Variants in SRBD1 observed in about 807,000 individuals in gnomAD.
SRBD1 encodes the protein S1 RNA-binding domain-containing protein 1.
A neutral mutation model predicts 115.3 loss-of-function variants in SRBD1; 88 were observed. That is an observed-to-expected ratio of 0.76 (90% CI 0.64 to 0.91). The LOEUF (loss-of-function observed/expected upper bound fraction) is 0.91, where lower values mean the gene tolerates loss of function less well. Among genes scored for constraint, SRBD1 ranks in the 40% least tolerant of loss-of-function variants. SRBD1 has a pLI of 0.00. For synonymous variants in SRBD1, 509 were observed against 407.7 expected (o/e 1.25, Z -2.99); for missense variants, 1,385 against 1,177.4 (o/e 1.18, Z -2.58).
intron 14 of SRBD1, among the ~76,000 whole-genome samples, chr2:45,502,845 G>T (rs74905528): frequency 6.6e-6 from 1 of 151,350 alleles, no homozygotes; most frequent in South Asian, 2.1e-4. Flanking sequence ...AAAAAAAAAA[G>T]ATATCACTCT....
chr2:45,425,025 C>T (rs995061001), intron 16 of SRBD1, among the ~76,000 whole-genome samples: 4 of 152,166 alleles, frequency 2.6e-5, no homozygotes, highest in African/African-American at 9.7e-5. Context: ...TTCATTGATA[C>T]TCTTGAGCTT....
chr2:45,540,773 G>A (rs1271119246), intron 14 of SRBD1, among the ~76,000 whole-genome samples: 1 of 152,182 alleles, frequency 6.6e-6, no homozygotes, highest in African/African-American at 2.4e-5. Context: ...AGATGCTCAT[G>A]ATCATTAATC....
chr2:45,423,255 T>C (rs1268830897), intron 16 of SRBD1, among the ~76,000 whole-genome samples: 1 of 152,134 alleles, frequency 6.6e-6, no homozygotes, highest in Admixed American at 6.5e-5. Flanking sequence ...AAATAACAAA[T>C]ATTGATGTGA....
chr2:45,421,569 T>G (rs1417651298), intron 16 of SRBD1, among the ~76,000 whole-genome samples: 1 of 134,466 alleles, frequency 7.4e-6, no homozygotes, highest in African/African-American at 2.8e-5. Context: ...CATCTTACAA[T>G]TGATGAAATG....
chr2:45,476,967 A>C (rs748367426), intron 16 of SRBD1, 26 bp downstream of exon 16: 23 of 1,605,364 alleles, frequency 1.4e-5, no homozygotes, highest in Middle Eastern at 1.7e-4. Flanking sequence ...TGGATTTCAT[A>C]AATTAAATGA....
In SRBD1 at chr2:45,415,573, G is replaced by C. The variant is rs146540175; in HGVS notation, c.2334-2280C>G. On this transcript the variant is annotated intron_variant, in intron 18 of 20. Coordinates refer to ENST00000263736, the MANE Select transcript of SRBD1 (RefSeq NM_018079.5). ...ATATAGTCTGTATACGTATATATAG[G>C]TTAAAAAACAAAAATATACATAAAA... is the stretch of plus-strand genomic sequence containing the variant. 3.8e-3 allele frequency among the ~76,000 whole-genome samples: 534 copies of C among 140,840 alleles called. 20 individuals carry two copies. The highest frequency in any genetic ancestry group is 0.035 in the Admixed American group (486 of 13,828). 92.4% of individuals were successfully genotyped at this position (140,840 alleles called of 152,430 possible).
At chr2:45,609,215 T>C (rs1674369848) in intron 1 of SRBD1, among the ~76,000 whole-genome samples, 1 of 152,236 alleles carries the variant, frequency 6.6e-6, no homozygotes. Flanking sequence ...ATCACTACAA[T>C]CAAGAAAATG....
chr2:45,502,613 T>C (rs1670669092), intron 14 of SRBD1, among the ~76,000 whole-genome samples: 2 of 147,992 alleles, frequency 1.4e-5, no homozygotes, highest in South Asian at 2.1e-4. Flanking sequence ...TTCTCACTCA[T>C]AGGTGGGAAT....
At chr2:45,580,392 C>T (rs1031611565) in intron 6 of SRBD1, among the ~76,000 whole-genome samples, 18 of 151,960 alleles carry the variant, frequency 1.2e-4, no homozygotes, top group Non-Finnish European at 2.4e-4. Context: ...TTCGCCCAGG[C>T]CTGAGTGCAG....
chr2:45,513,431 A>C (rs953299590), intron 14 of SRBD1, among the ~76,000 whole-genome samples: 39 of 151,972 alleles, frequency 2.6e-4, no homozygotes, highest in Admixed American at 7.2e-4. Flanking sequence ...GAAAAAAAAA[A>C]AACAACTGAC....
chr2:45,598,965 G>A (rs1185198633), intron 4 of SRBD1, among the ~76,000 whole-genome samples: 1 of 152,190 alleles, frequency 6.6e-6, no homozygotes, highest in Admixed American at 6.5e-5. Flanking sequence ...CCTGTAGTAA[G>A]ACATATAATT....
intron 14 of SRBD1, among the ~76,000 whole-genome samples, chr2:45,521,946 T>C (rs532528034): frequency 3.3e-5 from 5 of 150,134 alleles, no homozygotes; most frequent in Admixed American, 6.7e-5. Flanking sequence ...CTAGCCTGGA[T>C]GACAGAGCAA....
chr2:45,423,135 T>C (rs1171442515), intron 16 of SRBD1, among the ~76,000 whole-genome samples: 1 of 152,200 alleles, frequency 6.6e-6, no homozygotes, highest in South Asian at 2.1e-4. Flanking sequence ...CCCAGATGTG[T>C]TGTTGGTAAT....
chr2:45,567,341 G>T (rs74362535), intron 9 of SRBD1, among the ~76,000 whole-genome samples: 6,984 of 152,080 alleles, frequency 0.046, 511 homozygotes, highest in African/African-American at 0.15. Context: ...TGGGTATGGG[G>T]GCTCATGCTC....
chr2:45,496,769 G>A (rs1670472416), intron 14 of SRBD1, among the ~76,000 whole-genome samples: 1 of 152,080 alleles, frequency 6.6e-6, no homozygotes, highest in African/African-American at 2.4e-5. Flanking sequence ...CTCAGCAGGA[G>A]TCACCACTAT....
chr2:45,403,219 A>G (rs1372810060), intron 19 of SRBD1, among the ~76,000 whole-genome samples: 3 of 152,186 alleles, frequency 2.0e-5, no homozygotes, highest in Admixed American at 6.5e-5. Flanking sequence ...AGATTCTGGA[A>G]GAAGTACTTA....
In SRBD1 at chr2:45,591,922, G is replaced by A. The variant is rs1223030160; in HGVS notation, c.649-6148C>T. Among the ~76,000 whole-genome samples the A allele has an allele frequency of 2.0e-5, 3 of 152,254 alleles. No homozygotes were observed. In the East Asian group the frequency reaches 5.8e-4, roughly 29 times the overall value. On this transcript the variant is annotated intron_variant, in intron 4 of 20. Coordinates refer to ENST00000263736, the MANE Select transcript of SRBD1 (RefSeq NM_018079.5). The stretch of plus-strand genomic sequence containing the variant: ...GAGTATGACCTTCCAGTGTGATATG[G>A]TTTGGCTATGTGCCCACCCAAATCT...
chr2:45,488,148 A>G, intron 15 of SRBD1, 92 bp downstream of exon 15: 1 of 1,107,586 alleles, frequency 9.0e-7, no homozygotes, highest in South Asian at 1.4e-5. Context: ...TAACTTTTAA[A>G]TTTTCTTTGA....
intron 19 of SRBD1, among the ~76,000 whole-genome samples, chr2:45,411,598 T>C (rs905682899): frequency 6.6e-6 from 1 of 152,038 alleles, no homozygotes; most frequent in Non-Finnish European, 1.5e-5. Context: ...TTTCAGATAA[T>C]AGAAATGTTC....
Sources: allele counts gnomAD v4.1 joint callset (sites outside exome capture counted in the v4.1 genomes callset), GRCh38; gene constraint gnomAD v4.1.1; transcripts MANE v1.5; gene names NCBI Gene and HGNC (gene_info 2026-07-23, HGNC 2026-07-21).